Variants in ADK observed in about 807,000 individuals in gnomAD.
The protein encoded by ADK is N6,N6-dimethyladenosine kinase.
In ADK, 24 loss-of-function variants were observed where a neutral mutation model predicts 44.7. The ratio of observed to expected loss-of-function variants is 0.54; its 90% CI spans 0.39 to 0.76. The LOEUF (loss-of-function observed/expected upper bound fraction) is 0.76. Ranked by LOEUF, ADK falls within the 30% of genes least tolerant of loss-of-function variation. ADK has a pLI of 0.00. For synonymous variants in ADK, 128 were observed against 142.6 expected (o/e 0.90, Z 0.73); for missense variants, 321 against 425.1 (o/e 0.76, Z 2.15).
chr10:74,684,430 A>T (rs888247041), intron 10 of ADK, among the ~76,000 whole-genome samples: 3 of 151,706 alleles, frequency 2.0e-5, no homozygotes, highest in Non-Finnish European at 2.9e-5. Flanking sequence ...TAAATGCATG[A>T]TTTTTTTTTC....
At chr10:74,409,772 A>G (rs1292342089) in intron 6 of ADK, among the ~76,000 whole-genome samples, 1 of 152,224 alleles carries the variant, frequency 6.6e-6, no homozygotes, top group Non-Finnish European at 1.5e-5. Context: ...GAAGAAATGT[A>G]CAGCCTTGGT....
At chr10:74,650,031 T>G (rs1427185791) in intron 9 of ADK, among the ~76,000 whole-genome samples, 1 of 152,164 alleles carries the variant, frequency 6.6e-6, no homozygotes, top group Non-Finnish European at 1.5e-5. Flanking sequence ...AAATGTGAAC[T>G]TTCCCCTCAG....
At chr10:74,370,961 G>A (rs1279457062) in intron 4 of ADK, among the ~76,000 whole-genome samples, 1 of 152,086 alleles carries the variant, frequency 6.6e-6, no homozygotes, top group Non-Finnish European at 1.5e-5. Context: ...TTATTGTGGA[G>A]ATGTATTTAT....
At chr10:74,637,738 A>G (rs530927831) in intron 9 of ADK, among the ~76,000 whole-genome samples, 1 of 152,338 alleles carries the variant, frequency 6.6e-6, no homozygotes, top group South Asian at 2.1e-4. Context: ...GAATCACTAA[A>G]AGATAATTGA....
intron 3 of ADK, among the ~76,000 whole-genome samples, chr10:74,298,556 C>T (rs1839894817): frequency 6.6e-6 from 1 of 151,956 alleles, no homozygotes; most frequent in South Asian, 2.1e-4. Flanking sequence ...CGTTCAAGAC[C>T]AGCCTGCGCA....
At chr10:74,630,635 A>T (rs1189341638) in intron 9 of ADK, among the ~76,000 whole-genome samples, 1 of 152,152 alleles carries the variant, frequency 6.6e-6, no homozygotes, top group Non-Finnish European at 1.5e-5. Flanking sequence ...GATAGTAGTG[A>T]TGTTGACTCT....
intron 6 of ADK, among the ~76,000 whole-genome samples, chr10:74,416,949 G>A (rs1844396831): frequency 6.6e-6 from 1 of 151,780 alleles, no homozygotes; most frequent in Admixed American, 6.6e-5. Context: ...CAGGTATGTT[G>A]CTTCTTGTAA....
intron 7 of ADK, among the ~76,000 whole-genome samples, chr10:74,587,720 CT>C (rs1411309448): frequency 6.7e-6 from 1 of 149,940 alleles, no homozygotes; most frequent in Non-Finnish European, 1.5e-5. Flanking sequence ...TGTAGAGACT[CT>C]TGACAGTTGT....
intron 6 of ADK, among the ~76,000 whole-genome samples, chr10:74,495,474 T>A (rs757681123): frequency 4.6e-5 from 7 of 152,174 alleles, no homozygotes; most frequent in Admixed American, 1.3e-4. Context: ...GGGAAGTAAT[T>A]TACATGCACC....
At chr10:74,286,427 T>G (rs984508440) in intron 3 of ADK, among the ~76,000 whole-genome samples, 2 of 152,206 alleles carry the variant, frequency 1.3e-5, no homozygotes, top group Non-Finnish European at 2.9e-5. Context: ...TACTGAGTGC[T>G]CAAGGGCCCA....
At chr10:74,180,496 G>A (rs577570854) in intron 1 of ADK, among the ~76,000 whole-genome samples, 1 of 124,318 alleles carries the variant, frequency 8.0e-6, no homozygotes, top group East Asian at 2.3e-4. Flanking sequence ...GTCTCGCTCT[G>A]TCACCCAGGC....
At chr10:74,435,161 A>G (rs989484044) in intron 6 of ADK, among the ~76,000 whole-genome samples, 3 of 152,344 alleles carry the variant, frequency 2.0e-5, no homozygotes, top group East Asian at 1.9e-4. Flanking sequence ...TCTAAGGAAG[A>G]TATGATAGAA....
At chr10:74,223,999 G>T (rs1384798608) in intron 2 of ADK, among the ~76,000 whole-genome samples, 1 of 152,144 alleles carries the variant, frequency 6.6e-6, no homozygotes, top group Non-Finnish European at 1.5e-5. Flanking sequence ...TGAGACAGGA[G>T]AATCGCTTGA....
intron 3 of ADK, among the ~76,000 whole-genome samples, chr10:74,231,839 CT>C (rs1844777106): frequency 6.6e-6 from 1 of 152,026 alleles, no homozygotes; most frequent in Non-Finnish European, 1.5e-5. Flanking sequence ...CACTGTATTG[CT>C]TTTTAAACTA....
chr10:74,352,008 T>A (rs1253814783), intron 4 of ADK, among the ~76,000 whole-genome samples: 1 of 151,322 alleles, frequency 6.6e-6, no homozygotes, highest in Non-Finnish European at 1.5e-5. Flanking sequence ...AATGTATAGA[T>A]CCAATGCTAT....
At chr10:74,412,640 A>G (rs1844224889) in intron 6 of ADK, among the ~76,000 whole-genome samples, 1 of 152,214 alleles carries the variant, frequency 6.6e-6, no homozygotes, top group African/African-American at 2.4e-5. Context: ...CGTGAAAACA[A>G]CATTCATCTT....
At chr10:74,303,173 T>C (rs1020345082) in intron 3 of ADK, among the ~76,000 whole-genome samples, 1 of 152,220 alleles carries the variant, frequency 6.6e-6, no homozygotes, top group Non-Finnish European at 1.5e-5. Context: ...ATCACCTATG[T>C]ATTTTTCAGT....
Position 74,689,277 on chromosome 10 carries a change from A to G in ADK, c.964+19008A>G, listed in dbSNP as rs534792319. 2.0e-5 allele frequency among the ~76,000 whole-genome samples: 3 copies of G among 151,856 alleles called. No individual in the cohort carries two copies. The South Asian group carries it at 6.2e-4, about 32-fold the overall frequency. On this transcript the variant is annotated intron_variant, in intron 10 of 10. Coordinates refer to ENST00000539909, the MANE Select transcript of ADK (RefSeq NM_006721.4). ...ATAAATAAATAAATAAATAAATAAT[A>G]AAATAAATAATAAAGGATGCTATGG...
rs192529305 is a variant in ADK, at chr10:74,252,654, T to C, written c.194+28063T>C. Among the ~76,000 whole-genome samples, 64 of 152,324 alleles carry C rather than the reference T, an allele frequency of 4.2e-4. No homozygotes were observed. In the East Asian group the frequency reaches 5.8e-3, roughly 14 times the overall value. On this transcript the variant is annotated intron_variant, in intron 3 of 10. Transcript: ENST00000539909. ...AGTCTGATTATTCTGACAGTTTCTG[T>C]AGGTAAAAGGAATAGAAAGTAAGTG...
Sources: allele counts gnomAD v4.1 joint callset (sites outside exome capture counted in the v4.1 genomes callset), GRCh38; gene constraint gnomAD v4.1.1; transcripts MANE v1.5; gene names NCBI Gene and HGNC (gene_info 2026-07-23, HGNC 2026-07-21).